The following LRRC9 variants were observed in gnomAD, a reference collection of about 807,000 sequenced individuals.
LRRC9 encodes the protein leucine rich repeat containing 9.
In LRRC9, 122 loss-of-function variants were observed where a neutral mutation model predicts 63.2. That is an observed-to-expected ratio of 1.93 (90% confidence interval 1.67 to 2.24). The LOEUF (loss-of-function observed/expected upper bound fraction) is 2.24, where lower values mean the gene tolerates loss of function less well. Ranked by LOEUF, LRRC9 falls within the 30% of genes most tolerant of loss-of-function variation. The pLI, the probability that LRRC9 is intolerant of heterozygous loss-of-function variation, is 0.00. For synonymous variants in LRRC9, 366 were observed against 213.1 expected (o/e 1.72, Z -6.25); for missense variants, 1,071 against 627.7 (o/e 1.71, Z -7.55).
At position 59,942,082 on chromosome 14, in the gene LRRC9, A is replaced by C. The variant is rs1309175522; in HGVS notation, c.727-2507A>C. On this transcript the variant is annotated intron_variant, in intron 7 of 31. Transcript: ENST00000445360. This position sits in a 1 kb window ranked among gnomAD's most constrained non-coding sequence, Gnocchi z 5.3. ...TGCAGTCTTTATTTTTCTGTGCTTG[A>C]CTTATTTCGCTTAACATAATGTCCT... Among the ~76,000 whole-genome samples, 1 of 146,544 alleles carries C rather than the reference A, an allele frequency of 6.8e-6. No individual in the cohort carries two copies.
intron 12 of LRRC9, chr14:59,973,428 T>G (rs1424712128): frequency 6.6e-6 from 1 of 152,100 alleles, no homozygotes; most frequent in African/African-American, 2.4e-5. Flanking sequence ...GGTGTGGAAT[T>G]TGTGGTCGGA....
intron 7 of LRRC9, among the ~76,000 whole-genome samples, chr14:59,939,560 G>T (rs1430853198): frequency 6.6e-6 from 1 of 152,004 alleles, no homozygotes; most frequent in Non-Finnish European, 1.5e-5. Flanking sequence ...CATGTGGATG[G>T]TTCGATGCAT....
At chr14:59,940,424 T>G (rs879350645) in intron 7 of LRRC9, among the ~76,000 whole-genome samples, 10 of 152,152 alleles carry the variant, frequency 6.6e-5, no homozygotes, top group Non-Finnish European at 1.3e-4. Flanking sequence ...CTATTGATTC[T>G]TCAGATTTTC....
Position 60,027,036 on chromosome 14 carries a change from C to A in LRRC9, c.3704-848C>A, listed in dbSNP as rs1891612733. ...TGAATTGGAGGGGGACACAATTCAG[C>A]ACATAATAATCAAGGAGAATGAATA... On this transcript the variant is annotated intron_variant, in intron 27 of 31. Transcript: ENST00000445360. This position sits in a 1 kb window ranked among gnomAD's most constrained non-coding sequence, Gnocchi z 4.0. 6.6e-6 allele frequency among the ~76,000 whole-genome samples: 1 copy of A among 151,928 alleles called. No homozygotes were observed. The highest frequency in any genetic ancestry group is 1.5e-5 in the Non-Finnish European group (1 of 67,942).
chr14:60,044,074 G>C (rs1387917962), intron 29 of LRRC9, among the ~76,000 whole-genome samples: 2 of 151,702 alleles, frequency 1.3e-5, no homozygotes, highest in Non-Finnish European at 2.9e-5. Context: ...ATGTCTTCTA[G>C]GTTTTCCAAT....
intron 17 of LRRC9, among the ~76,000 whole-genome samples, chr14:59,995,403 T>C (rs1407896276): frequency 6.6e-6 from 1 of 152,194 alleles, no homozygotes; most frequent in Non-Finnish European, 1.5e-5. Context: ...TAATACTGAA[T>C]ATCTTATCTT....
Position 60,044,082 on chromosome 14 carries a change from A to G in LRRC9, c.3991-8983A>G, listed in dbSNP as rs1893201937. 3.3e-5 allele frequency among the ~76,000 whole-genome samples: 5 copies of G among 151,914 alleles called. No individual in the cohort carries two copies. The South Asian group carries it at 1.0e-3, about 31-fold the overall frequency. On this transcript the variant is annotated intron_variant, in intron 29 of 31. Transcript: ENST00000445360. ...ATTATCCATGTCTTCTAGGTTTTCC[A>G]ATTTATTAGAGTATAGTTCATAATA...
intron 13 of LRRC9, among the ~76,000 whole-genome samples, chr14:59,976,961 TCCTTCTC>T (rs1886353366): frequency 6.6e-6 from 1 of 152,216 alleles, no homozygotes; most frequent in African/African-American, 2.4e-5. Flanking sequence ...ATGTGTTCTT[TCCTTCTC>T]CCTCTTCTGT....
rs1491401853 is a variant in LRRC9, at chr14:59,938,962, CAT to C, written c.726+396_726+397del. Among the ~76,000 whole-genome samples, 4 of 145,770 alleles carry C rather than the reference CAT, an allele frequency of 2.7e-5. No individual in the cohort carries two copies. The highest frequency in any genetic ancestry group is 6.0e-5 in the Non-Finnish European group (4 of 66,876). ...ATACATATACATACATATATACACA[CAT>C]ATATACATATATACATATATACACA... is the stretch of plus-strand genomic sequence containing the variant. On this transcript the variant is annotated intron_variant, in intron 7 of 31. Coordinates refer to ENST00000445360, the Ensembl canonical transcript of LRRC9. This position sits in a 1 kb window ranked among gnomAD's most constrained non-coding sequence, Gnocchi z 4.2.
rs1292769681 is a variant in LRRC9, at chr14:59,930,925, A to G, written c.275A>G (p.Glu92Gly). The G allele has an allele frequency of 9.2e-6, 4 of 435,736 alleles. No homozygotes were observed. Among genetic ancestry groups the G allele is most frequent in the Non-Finnish European group, 1.7e-5 (4 of 241,898 alleles). The allele number at this position is 435,736 out of a possible 1,614,324, so 27.0% of individuals were successfully genotyped here. A position where few individuals can be genotyped will look rare whatever the true frequency, so the allele number is the denominator to read the frequency against. The change falls in exon 4 of 32, where the codon GAA becomes GGA. Residue 92 changes from glutamate to glycine, a missense_variant. By Grantham distance (98) the Glu-to-Gly change is moderately conservative. Transcript: ENST00000445360. This position sits in a 1 kb window ranked among gnomAD's most constrained non-coding sequence, Gnocchi z 4.9. ...TCTCCTTTTCTTTTACAGAAAATTG[A>G]AGGTCTTCAAGAATGTAGAAATTTG...
At chr14:59,933,490 T>C (rs988225514) in intron 6 of LRRC9, among the ~76,000 whole-genome samples, 3 of 152,204 alleles carry the variant, frequency 2.0e-5, no homozygotes, top group South Asian at 4.1e-4. Flanking sequence ...CAGTGTAAGA[T>C]TGAAGGTGCA....
At chr14:60,064,783 T>C (rs1053131346), downstream of LRRC9, among the ~76,000 whole-genome samples, 1 of 152,166 alleles carries the variant, frequency 6.6e-6, no homozygotes, top group African/African-American at 2.4e-5. Context: ...GGCATCATCT[T>C]CTTTTTTTCT....
chr14:60,000,642 T>C (rs1251501703), intron 19 of LRRC9, among the ~76,000 whole-genome samples: 1 of 152,072 alleles, frequency 6.6e-6, no homozygotes, highest in Non-Finnish European at 1.5e-5. Flanking sequence ...AAGGAGTTTA[T>C]TGTAAAAGGC....
intron 18 of LRRC9, among the ~76,000 whole-genome samples, chr14:59,998,601 G>T (rs1889041340): frequency 6.6e-6 from 1 of 151,972 alleles, no homozygotes; most frequent in African/African-American, 2.4e-5. Flanking sequence ...AGCACAGTAG[G>T]TTCTATTAAA....
intron 21 of LRRC9, among the ~76,000 whole-genome samples, chr14:60,005,031 T>A (rs920152327): frequency 3.9e-5 from 6 of 152,140 alleles, no homozygotes; most frequent in Non-Finnish European, 7.4e-5. Context: ...ATTTTTGAAT[T>A]GGATTATTTT....
chr14:60,051,445 C>T lies in LRRC9; in HGVS notation c.3991-1620C>T, dbSNP rs1042609866. ...ACTCTCTACAGATGGCAGGCTGGAA[C>T]GCTGACTTGACTGAACCACAGAAAT... On this transcript the variant is annotated intron_variant, in intron 29 of 31. Transcript: ENST00000445360. The surrounding 1 kb of genome is among the most constrained non-coding windows in gnomAD (Gnocchi z 4.7). Among the ~76,000 whole-genome samples the T allele has an allele frequency of 4.6e-5, 7 of 152,228 alleles. No homozygotes were observed. Among genetic ancestry groups the T allele is most frequent in the South Asian group, 2.1e-4 (1 of 4,838 alleles).
intron 8 of LRRC9, among the ~76,000 whole-genome samples, chr14:59,955,238 C>T (rs181807143): frequency 6.6e-6 from 1 of 152,144 alleles, no homozygotes; most frequent in African/African-American, 2.4e-5. Flanking sequence ...CTCTTTGTAC[C>T]TCTGATAGAA....
At chr14:59,946,794 A>T (rs1303459300) in intron 8 of LRRC9, among the ~76,000 whole-genome samples, 1 of 146,488 alleles carries the variant, frequency 6.8e-6, no homozygotes, top group Non-Finnish European at 1.5e-5. Context: ...ACTGAGAATG[A>T]TGGTTTCCAA....
rs1886370827 is a variant in LRRC9, at chr14:59,977,086, G to C, written c.1640-139G>C. On this transcript the variant is annotated intron_variant, in intron 13 of 31. Coordinates refer to ENST00000445360, the Ensembl canonical transcript of LRRC9. ...TGGATCGAGCAATGTGTTATGCGCT[G>C]TACAGTAGCAAACAAGAGAGCCAGC... 3 of 567,210 alleles carry C rather than the reference G, an allele frequency of 5.3e-6. No individual in the cohort carries two copies. In the South Asian group the frequency reaches 7.3e-5, roughly 14 times the overall value. 35.1% of individuals were successfully genotyped at this position (567,210 alleles called of 1,614,324 possible).
Sources: allele counts gnomAD v4.1 joint callset (sites outside exome capture counted in the v4.1 genomes callset), GRCh38; gene constraint gnomAD v4.1.1; non-coding constraint Gnocchi (gnomAD v3.1); transcripts MANE v1.5; gene names NCBI Gene and HGNC (gene_info 2026-07-23, HGNC 2026-07-21).